CLN8: variants seen among roughly 807,000 people sequenced by gnomAD.
CLN8 encodes the protein CLN8 transmembrane ER and ERGIC protein.
In CLN8, 14 loss-of-function variants were observed where a neutral mutation model predicts 15.7. The ratio of observed to expected loss-of-function variants is 0.89; its 90% confidence interval spans 0.59 to 1.39. The LOEUF is 1.39. Among genes scored for constraint, CLN8 ranks in the 40% most tolerant of loss-of-function variants. The pLI, the probability that CLN8 is intolerant of heterozygous loss-of-function variation, is 0.00. For synonymous variants in CLN8, 188 were observed against 151.0 expected, an observed-to-expected ratio of 1.25 and a Z score of -1.80; for missense variants, 415 against 364.0, an observed-to-expected ratio of 1.14 and a Z score of -1.14.
At chr8:1,775,196 A>G (rs1373897060) in intron 2 of CLN8, among the ~76,000 whole-genome samples, 1 of 152,170 alleles carries the variant, frequency 6.6e-6, no homozygotes, top group Non-Finnish European at 1.5e-5. Context: ...TTTATATAGC[A>G]TTTACATTGT....
Position 1,771,552 on chromosome 8 carries a change from G to A in CLN8, c.498G>A (p.Leu166=), listed in dbSNP as rs1801307302. 1 of 1,614,080 alleles carries A rather than the reference G, an allele frequency of 6.2e-7. No homozygotes were observed. Among genetic ancestry groups the A allele is most frequent in the East Asian group, 2.2e-5 (1 of 44,872 alleles). Residue 166 remains leucine, a synonymous_variant, in exon 2 of 3, where the codon CTG becomes CTA. Coordinates refer to ENST00000331222, the MANE Select transcript of CLN8 (RefSeq NM_018941.4). ...ATCTAGCTATGACCACGTTGCTCCTGGAGATGAGCACGCCCTTTACCTGCG... is the reference window on the plus strand; with the variant it reads ...ATCTAGCTATGACCACGTTGCTCCTAGAGATGAGCACGCCCTTTACCTGCG... ...GHYLAMTTLL[L]EMSTPFTCVS...
chr8:1,777,503 T>G (rs953150953), intron 2 of CLN8, among the ~76,000 whole-genome samples: 2 of 152,238 alleles, frequency 1.3e-5, no homozygotes, highest in South Asian at 2.1e-4. Context: ...AATTTTTAAT[T>G]TTTTAAACTT....
upstream of CLN8, among the ~76,000 whole-genome samples, chr8:1,755,063 A>T (rs1207851719): frequency 6.6e-6 from 1 of 152,174 alleles, no homozygotes; most frequent in Non-Finnish European, 1.5e-5. Context: ...CTGGCTTCTA[A>T]GGGCCACTTC....
Position 1,784,992 on chromosome 8 carries a change from C to G in CLN8, c.*4425C>G, listed in dbSNP as rs577703425. 2 of 151,522 alleles carry G rather than the reference C, an allele frequency of 1.3e-5. No individual in the cohort carries two copies. The highest frequency in any genetic ancestry group is 4.1e-4 in the South Asian group (2 of 4,842). The allele number at this position is 151,522 out of a possible 1,614,324, so 9.4% of individuals were successfully genotyped here. A position where few individuals can be genotyped will look rare whatever the true frequency, so the allele number is the denominator to read the frequency against. On this transcript the variant is annotated 3_prime_UTR_variant, in exon 3 of 3. Coordinates refer to ENST00000331222, the MANE Select transcript of CLN8 (RefSeq NM_018941.4). Reference sequence around the variant, plus strand: ...CAGGGTCAGCTGCCTTTCCTTCATGCTGGGGAGGAGATGTTGTGTGCATGT... The same window carrying G: ...CAGGGTCAGCTGCCTTTCCTTCATGGTGGGGAGGAGATGTTGTGTGCATGT...
At chr8:1,754,971 C>T (rs539720822), upstream of CLN8, among the ~76,000 whole-genome samples, 143 of 152,312 alleles carry the variant, frequency 9.4e-4, no homozygotes, top group Admixed American at 1.7e-3. Flanking sequence ...GAACCCCTTC[C>T]GTGACAGTGC....
chr8:1,778,560 G>A (rs1801601951), intron 2 of CLN8, among the ~76,000 whole-genome samples: 1 of 152,222 alleles, frequency 6.6e-6, no homozygotes, highest in Non-Finnish European at 1.5e-5. Flanking sequence ...CCACCTTGAG[G>A]TGGCCCCAAC....
rs1289060762 is a variant in CLN8, at chr8:1,781,794, A to G, written c.*1227A>G. On this transcript the variant is annotated 3_prime_UTR_variant, in exon 3 of 3. Coordinates refer to ENST00000331222, the MANE Select transcript of CLN8 (RefSeq NM_018941.4). ...TAGGGTGGACCTGGACCCCTCAGAG[A>G]TGCTCGACTGCAGGGTCCTGGGGTC... The G allele has an allele frequency of 6.6e-6, 1 of 152,150 alleles. No homozygotes were observed. 9.4% of individuals were successfully genotyped at this position (152,150 alleles called of 1,614,324 possible).
At chr8:1,772,652 G>GTT (rs1004754292) in intron 2 of CLN8, among the ~76,000 whole-genome samples, 2 of 151,154 alleles carry the variant, frequency 1.3e-5, no homozygotes, top group African/African-American at 2.5e-5. Flanking sequence ...GTGTGTGTGT[G>GTT]TATTTTTAGT....
upstream of CLN8, chr8:1,755,759 T>A (rs1176761485): frequency 6.6e-6 from 1 of 152,090 alleles, no homozygotes; most frequent in Non-Finnish European, 1.5e-5. Flanking sequence ...TCATGCTGAG[T>A]GATTCTAACC....
upstream of CLN8, among the ~76,000 whole-genome samples, chr8:1,753,568 T>TAAAA (rs1184933996): frequency 5.1e-4 from 14 of 27,218 alleles, no homozygotes; most frequent in South Asian, 1.6e-3. Context: ...TGAAACTGTT[T>TAAAA]CAAAAAAAAA....
At chr8:1,773,030 A>G (rs1238818921) in intron 2 of CLN8, 7 of 398,366 alleles carry the variant, frequency 1.8e-5, no homozygotes, top group East Asian at 7.1e-5. Context: ...TGCAGTGTAA[A>G]CAGTACAGAC....
At chr8:1,774,436 A>T (rs985430595) in intron 2 of CLN8, among the ~76,000 whole-genome samples, 5 of 152,218 alleles carry the variant, frequency 3.3e-5, no homozygotes. Context: ...AGAAAACACT[A>T]TGTCTAAAAT....
rs1017858354 is a variant in CLN8, at chr8:1,785,216, G to C, written c.*4649G>C. The stretch of plus-strand genomic sequence containing the variant: ...GCGGCTCGGCCGCGAAGTGTGTCAG[G>C]TGTGCATCCTGGGTGCTCCTTTGTG... On this transcript the variant is annotated 3_prime_UTR_variant, in exon 3 of 3. Transcript: ENST00000331222. 1 of 172,258 alleles carries C rather than the reference G, an allele frequency of 5.8e-6. No individual in the cohort carries two copies. Among genetic ancestry groups the C allele is most frequent in the Non-Finnish European group, 1.3e-5 (1 of 78,542 alleles). 10.7% of individuals were successfully genotyped at this position (172,258 alleles called of 1,614,324 possible).
At chr8:1,765,353 C>T (rs1397803946) in intron 1 of CLN8, 1 of 152,170 alleles carries the variant, frequency 6.6e-6, no homozygotes, top group Non-Finnish European at 1.5e-5. Context: ...GAGTTTATAT[C>T]TAGAAAAACA....
chr8:1,771,030 C>G lies in CLN8; in HGVS notation c.-25C>G. ...GGCCCGGCCCGTGTTGGCCCCAGGA[C>G]TCCTTTGGAATATAGCTGTGGACAA... On this transcript the variant is annotated 5_prime_UTR_variant, in exon 2 of 3. Transcript: ENST00000331222. The G allele has an allele frequency of 6.2e-7, 1 of 1,613,294 alleles. No homozygotes were observed. Among genetic ancestry groups the G allele is most frequent in the South Asian group, 1.1e-5 (1 of 91,072 alleles).
At chr8:1,770,046 C>T (rs1371384246) in intron 1 of CLN8, among the ~76,000 whole-genome samples, 1 of 152,196 alleles carries the variant, frequency 6.6e-6, no homozygotes, top group East Asian at 1.9e-4. Flanking sequence ...CACTTTGTTA[C>T]AGCACTGAAC....
At chr8:1,767,103 G>T (rs941017299) in intron 1 of CLN8, among the ~76,000 whole-genome samples, 1 of 152,250 alleles carries the variant, frequency 6.6e-6, no homozygotes, top group South Asian at 2.1e-4. Context: ...ATGGCTGAGA[G>T]AGCTGAGGAG....
chr8:1,766,812 G>T (rs1413097303), intron 1 of CLN8, among the ~76,000 whole-genome samples: 1 of 152,244 alleles, frequency 6.6e-6, no homozygotes, highest in East Asian at 1.9e-4. Context: ...GGGAACCCCT[G>T]TGTCCCATTT....
intron 2 of CLN8, among the ~76,000 whole-genome samples, chr8:1,774,087 T>C (rs1406598300): frequency 6.6e-6 from 1 of 152,220 alleles, no homozygotes; most frequent in African/African-American, 2.4e-5. Context: ...GTTGGATTTC[T>C]CCAGGGTTTT....
Sources: allele counts gnomAD v4.1 joint callset (sites outside exome capture counted in the v4.1 genomes callset), GRCh38; gene constraint gnomAD v4.1.1; transcripts MANE v1.5; gene names NCBI Gene and HGNC (gene_info 2026-07-23, HGNC 2026-07-21).